Variants in CA10 observed in about 807,000 individuals in gnomAD.
CA10 encodes the protein carbonic anhydrase 10 (inactive).
In CA10, 14 loss-of-function variants were observed where a neutral mutation model predicts 44.2. The ratio of observed to expected loss-of-function variants is 0.32; its 90% CI spans 0.21 to 0.50. The LOEUF (loss-of-function observed/expected upper bound fraction) is 0.50. CA10 is among the 20% of genes least tolerant of loss of function. The probability of loss-of-function intolerance (pLI) is 0.99; values close to 1 mark genes in which losing one functional copy is unlikely to be tolerated. For missense variants in CA10, 350 were observed against 409.7 expected, an observed-to-expected ratio of 0.85 and a Z score of 1.26; for synonymous variants, 159 against 141.6, an observed-to-expected ratio of 1.12 and a Z score of -0.87.
intron 2 of CA10, among the ~76,000 whole-genome samples, chr17:51,975,549 G>A (rs1984432653): frequency 6.6e-6 from 1 of 152,132 alleles, no homozygotes; most frequent in Admixed American, 6.5e-5. Context: ...GCATGGTGGC[G>A]AATGCCTGTA....
At chr17:51,822,819 T>C (rs1907863572) in intron 3 of CA10, among the ~76,000 whole-genome samples, 1 of 152,140 alleles carries the variant, frequency 6.6e-6, no homozygotes, top group South Asian at 2.1e-4. Context: ...AGAAGGTATT[T>C]GATGGGGGGT....
At chr17:52,120,475 CTTATCT>C (rs1274538724) in intron 1 of CA10, among the ~76,000 whole-genome samples, 1 of 137,318 alleles carries the variant, frequency 7.3e-6, no homozygotes, top group Non-Finnish European at 1.6e-5. Flanking sequence ...TATCCTTATC[CTTATCT>C]TTAACCTAAG....
At chr17:51,923,735 A>G (rs1982319461) in intron 3 of CA10, among the ~76,000 whole-genome samples, 1 of 152,224 alleles carries the variant, frequency 6.6e-6, no homozygotes. Flanking sequence ...TTATTTTAAT[A>G]GTCATAAAAA....
intron 3 of CA10, among the ~76,000 whole-genome samples, chr17:51,858,004 TTCA>T (rs1979129144): frequency 6.6e-6 from 1 of 152,168 alleles, no homozygotes; most frequent in Non-Finnish European, 1.5e-5. Flanking sequence ...CTCAGTCAAC[TTCA>T]TATTAACTTT....
chr17:51,729,076 C>T (rs376706156), intron 4 of CA10, among the ~76,000 whole-genome samples: 1 of 152,084 alleles, frequency 6.6e-6, no homozygotes, highest in Non-Finnish European at 1.5e-5. Flanking sequence ...CTTTTCAAAA[C>T]CCTCCAGTGA....
At chr17:52,103,226 G>A (rs907339377) in intron 1 of CA10, among the ~76,000 whole-genome samples, 27 of 152,102 alleles carry the variant, frequency 1.8e-4, no homozygotes, top group African/African-American at 6.5e-4. Flanking sequence ...ACTATTTAGC[G>A]CAGGAGGATA....
chr17:52,090,104 T>G (rs1042239349), intron 1 of CA10, among the ~76,000 whole-genome samples: 1 of 152,154 alleles, frequency 6.6e-6, no homozygotes, highest in African/African-American at 2.4e-5. Context: ...TGTAAACGTG[T>G]TTTTAAAAAT....
intron 1 of CA10, among the ~76,000 whole-genome samples, chr17:52,073,236 T>C (rs1299580081): frequency 6.6e-6 from 1 of 152,110 alleles, no homozygotes; most frequent in Non-Finnish European, 1.5e-5. Context: ...TTAAATCTGG[T>C]GGGGGTTTTT....
intron 3 of CA10, chr17:51,761,956 T>C (rs1003523398): frequency 2.2e-4 from 33 of 152,200 alleles, no homozygotes; most frequent in African/African-American, 7.0e-4. Flanking sequence ...GCATCCTTTC[T>C]AGAAGCAAGC....
At chr17:51,800,318 T>G (rs1180495849) in intron 3 of CA10, among the ~76,000 whole-genome samples, 1 of 152,134 alleles carries the variant, frequency 6.6e-6, no homozygotes, top group Non-Finnish European at 1.5e-5. Context: ...AGAAAGTAGA[T>G]TAGTGGTTGT....
At chr17:52,061,585 T>C (rs1987386860) in intron 2 of CA10, among the ~76,000 whole-genome samples, 1 of 152,130 alleles carries the variant, frequency 6.6e-6, no homozygotes, top group Non-Finnish European at 1.5e-5. Context: ...GGTGATTGGA[T>C]CATGGGGGCA....
intron 2 of CA10, among the ~76,000 whole-genome samples, chr17:52,014,330 T>C (rs1273355110): frequency 6.6e-6 from 1 of 151,868 alleles, no homozygotes; most frequent in Non-Finnish European, 1.5e-5. Flanking sequence ...ATCACATGCA[T>C]TATGTGCAAA....
intron 2 of CA10, among the ~76,000 whole-genome samples, chr17:51,973,204 A>G (rs562813044): frequency 1.7e-4 from 26 of 152,240 alleles, no homozygotes; most frequent in Non-Finnish European, 3.7e-4. Flanking sequence ...GTGATCTGTG[A>G]AAGAAAAACA....
chr17:51,673,520 T>C (rs1005413435), intron 4 of CA10, among the ~76,000 whole-genome samples: 1 of 152,184 alleles, frequency 6.6e-6, no homozygotes, highest in African/African-American at 2.4e-5. Context: ...TCTTCCTTAT[T>C]CATGAGAGCT....
chr17:52,092,352 A>G (rs1280378995), intron 1 of CA10, among the ~76,000 whole-genome samples: 1 of 152,226 alleles, frequency 6.6e-6, no homozygotes, highest in Non-Finnish European at 1.5e-5. Flanking sequence ...AAACGTTTTT[A>G]AGAAAAAACC....
At chr17:51,924,763 A>T (rs919989783) in intron 3 of CA10, among the ~76,000 whole-genome samples, 10 of 151,216 alleles carry the variant, frequency 6.6e-5, no homozygotes, top group African/African-American at 2.4e-4. Context: ...TCTGGTCCTC[A>T]CTCCCTCTCC....
intron 3 of CA10, among the ~76,000 whole-genome samples, chr17:51,753,882 C>T (rs767160101): frequency 1.8e-4 from 27 of 152,122 alleles, no homozygotes; most frequent in Admixed American, 5.9e-4. Context: ...CTCACTCTGT[C>T]GCCCAGGCTG....
intron 2 of CA10, among the ~76,000 whole-genome samples, chr17:52,060,754 T>A (rs1987361310): frequency 6.6e-6 from 1 of 152,186 alleles, no homozygotes; most frequent in African/African-American, 2.4e-5. Flanking sequence ...AACAGTACTA[T>A]TGTCTATCCA....
intron 1 of CA10, among the ~76,000 whole-genome samples, chr17:52,155,810 G>C (rs1989791964): frequency 6.6e-6 from 1 of 152,096 alleles, no homozygotes; most frequent in East Asian, 1.9e-4. Context: ...TGATTATTTA[G>C]TAAATACATA....
Sources: allele counts gnomAD v4.1 joint callset (sites outside exome capture counted in the v4.1 genomes callset), GRCh38; gene constraint gnomAD v4.1.1; transcripts MANE v1.5; gene names NCBI Gene and HGNC (gene_info 2026-07-23, HGNC 2026-07-21).